KIF22: variants seen among roughly 807,000 people sequenced by gnomAD.
KIF22 encodes the protein kinesin-like protein KIF22.
A neutral mutation model predicts 73.0 loss-of-function variants in KIF22; 62 were observed. The ratio of observed to expected loss-of-function variants is 0.85; its 90% CI spans 0.69 to 1.05. The LOEUF (loss-of-function observed/expected upper bound fraction) is 1.05, where lower values mean the gene tolerates loss of function less well. KIF22 is among the 50% of genes least tolerant of loss of function. KIF22 has a pLI of 0.00. For synonymous variants in KIF22, 411 were observed against 340.1 expected (o/e 1.21, Z -2.29); for missense variants, 854 against 870.1 (o/e 0.98, Z 0.23).
rs148628152 is a variant in KIF22 at position 29,804,007 on chromosome 16, A to T, written c.1619A>T (p.Gln540Leu). Residue 540 changes from glutamine to leucine, a missense_variant, in exon 11 of 14, where the codon CAG (glutamine) becomes CTG (leucine). Gln to Leu is a moderately radical substitution (Grantham distance 113). Around this residue, in one of 3 missense-constraint regions of KIF22, gnomAD observed 423 missense variants for 365.4 expected, o/e 1.16. Coordinates refer to ENST00000160827, the MANE Select transcript of KIF22 (RefSeq NM_007317.3). ...VVMPLQLIQE[Q>L]AASPNAEIHI... ...CGATTCCTACTTTCAGTTCAGGAGC[A>T]GGCAGCATCCCCAAATGCCGAGATC... 6.2e-5 allele frequency: 100 copies of T among 1,609,180 alleles called. No homozygotes were observed. In the African/African-American group the frequency reaches 1.2e-3, roughly 19 times the overall value.
intron 1 of KIF22, among the ~76,000 whole-genome samples, chr16:29,795,056 C>G (rs1008517531): frequency 2.6e-5 from 4 of 152,226 alleles, no homozygotes; most frequent in Admixed American, 6.5e-5. Context: ...ACTGCGCTTC[C>G]TTAAGTGCTT....
intron 8 of KIF22, among the ~76,000 whole-genome samples, chr16:29,802,267 CAAAAA>C (rs71389599): frequency 8.9e-5 from 3 of 33,896 alleles, no homozygotes; most frequent in Non-Finnish European, 1.7e-4. Flanking sequence ...GACCCTGTCT[CAAAAA>C]AAAAAAAAAA....
At chr16:29,804,129 G>C (rs769640997) in intron 11 of KIF22, 64 bp downstream of exon 11, 3 of 1,352,126 alleles carry the variant, frequency 2.2e-6, no homozygotes, top group Non-Finnish European at 2.1e-6. Context: ...TAGGCTCTAG[G>C]GGGAGGAGCG....
Position 29,805,193 on chromosome 16 carries a change from C to T in KIF22, c.1950+19C>T, listed in dbSNP as rs991852346. On this transcript the variant is annotated intron_variant, in intron 13 of 13. Coordinates refer to ENST00000160827, the MANE Select transcript of KIF22 (RefSeq NM_007317.3). ...CCTGAAGGTGAAGTCACGGCCCTGC[C>T]CCTCCTCTGCCTGTCCTGCGCCCCG... The T allele has an allele frequency of 9.3e-6, 15 of 1,614,162 alleles. No homozygotes were observed. The highest frequency in any genetic ancestry group is 1.7e-5 in the Admixed American group (1 of 60,030).
intron 1 of KIF22, among the ~76,000 whole-genome samples, chr16:29,795,407 G>A (rs183846984): frequency 3.9e-4 from 60 of 152,242 alleles, no homozygotes; most frequent in Admixed American, 3.7e-3. Flanking sequence ...CTGCCTTTTC[G>A]TCTTGCTGTT....
Position 29,804,055 on chromosome 16 carries a change from G to A in KIF22, c.1667G>A (p.Arg556Gln), listed in dbSNP as rs776614746. The change falls in exon 11 of 14, where the codon CGG (arginine) becomes CAG (glutamine). Residue 556 changes from arginine (R) to glutamine (Q), a missense_variant. Physicochemically the swap from Arg to Gln is conservative, Grantham distance 43. This residue lies in a region of KIF22 where 423 missense variants were observed against 365.4 expected (regional missense o/e 1.16). Coordinates refer to ENST00000160827, the MANE Select transcript of KIF22 (RefSeq NM_007317.3). ...ATCCACATCCTGAAGAATAAAGGCCGGAAGAGAAAGGTGAAAGTAGCTGGG... is the reference window on the plus strand; with the variant it reads ...ATCCACATCCTGAAGAATAAAGGCCAGAAGAGAAAGGTGAAAGTAGCTGGG... ...AEIHILKNKG[R>Q]KRKLESLDAL... 2.5e-6 allele frequency: 4 copies of A among 1,613,332 alleles called. No individual in the cohort carries two copies. Among genetic ancestry groups the A allele is most frequent in the East Asian group, 2.2e-5 (1 of 44,902 alleles).
At chr16:29,791,296 G>A (rs1337147800) in intron 1 of KIF22, 22 of 973,622 alleles carry the variant, frequency 2.3e-5, no homozygotes, top group Non-Finnish European at 2.6e-5. Flanking sequence ...GCAAGAGGAC[G>A]GGCTGAGGAA....
In KIF22 at chr16:29,791,121, G is replaced by GT. The variant is rs1596839612; in HGVS notation, c.70+293dup. On this transcript the variant is annotated intron_variant, in intron 1 of 13. Coordinates refer to ENST00000160827, the MANE Select transcript of KIF22 (RefSeq NM_007317.3). ...TTTGTGAGCTTCGGTTTCTTCGTCT[G>GT]TGAAACGGGGGTCATGGCCTCATCC... 5 of 1,349,732 alleles carry GT rather than the reference G, an allele frequency of 3.7e-6. No individual in the cohort carries two copies. In the East Asian group the frequency reaches 1.5e-4, roughly 41 times the overall value. The allele number at this position is 1,349,732 out of a possible 1,614,324, so 83.6% of individuals were successfully genotyped here.
intron 1 of KIF22, among the ~76,000 whole-genome samples, chr16:29,794,437 G>A (rs763821360): frequency 6.6e-6 from 1 of 152,146 alleles, no homozygotes; most frequent in Non-Finnish European, 1.5e-5. Flanking sequence ...TTGAGGCACT[G>A]GGATGGAAAA....
chr16:29,800,288 T>TAAAA (rs1350235154), intron 8 of KIF22: 2 of 348,312 alleles, frequency 5.7e-6, no homozygotes, highest in African/African-American at 4.3e-5. Flanking sequence ...AAACCTCATC[T>TAAAA]CTACTAAAAA....
At position 29,799,974 on chromosome 16, in the gene KIF22, C is replaced by T; in HGVS notation, c.1206C>T (p.Ala402=). 6.2e-7 allele frequency: 1 copy of T among 1,614,146 alleles called. No homozygotes were observed. The highest frequency in any genetic ancestry group is 8.5e-7 in the Non-Finnish European group (1 of 1,180,034). The change falls in exon 8 of 14, where the codon GCC becomes GCT. Residue 402 remains alanine (A), a synonymous_variant. Coordinates refer to ENST00000160827, the MANE Select transcript of KIF22 (RefSeq NM_007317.3). ...TTGGTCCACCAGAGGCAAAGAGAGCCCGAGGCCCTGAGGAAGAGGAGATCG... is the reference window on the plus strand; with the variant it reads ...TTGGTCCACCAGAGGCAAAGAGAGCTCGAGGCCCTGAGGAAGAGGAGATCG... ...ELLGPPEAKR[A]RGPEEEEIGS...
chr16:29,792,616 G>A (rs1898847068), intron 1 of KIF22: 1 of 154,098 alleles, frequency 6.5e-6, no homozygotes, highest in African/African-American at 2.4e-5. Context: ...GGGCTAACAT[G>A]AGCTGTGGTT....
chr16:29,805,078 C>T (rs771354612), intron 12 of KIF22, 37 bp from the exon 13 acceptor site: 6 of 1,612,712 alleles, frequency 3.7e-6, no homozygotes, highest in South Asian at 1.1e-5. Context: ...ACCGGGTACC[C>T]CCGAGACCCT....
chr16:29,805,277 T>A lies in KIF22; in HGVS notation c.1965T>A (p.Gly655=), dbSNP rs1451151893. Residue 655 remains glycine, a synonymous_variant, in exon 14 of 14, where the codon GGT becomes GGA. Transcript: ENST00000160827. ...CTGTGTTGCAGGCAAACATCCTGGGTCTCGCCGCCGGCCAGCGCTGTGGCG... is the reference window on the plus strand; with the variant it reads ...CTGTGTTGCAGGCAAACATCCTGGGACTCGCCGCCGGCCAGCGCTGTGGCG... ...MESFLKANIL[G]LAAGQRCGAS 1 of 1,613,974 alleles carries A rather than the reference T, an allele frequency of 6.2e-7. No homozygotes were observed.
At chr16:29,790,933 G>A (rs1898796115) in intron 1 of KIF22, 104 bp downstream of exon 1, 10 of 1,524,250 alleles carry the variant, frequency 6.6e-6, no homozygotes, top group Admixed American at 2.0e-5. Context: ...GCGGAGAGGC[G>A]GCCATGGCGC....
intron 8 of KIF22, among the ~76,000 whole-genome samples, chr16:29,800,726 A>C (rs778994124): frequency 5.3e-5 from 8 of 152,222 alleles, no homozygotes; most frequent in Non-Finnish European, 8.8e-5. Context: ...AGATCATGCC[A>C]CTGCACTCCA....
At chr16:29,791,283 G>A in intron 1 of KIF22, 1 of 992,442 alleles carries the variant, frequency 1.0e-6, no homozygotes, top group Non-Finnish European at 1.2e-6. Flanking sequence ...ATCCCTGAGA[G>A]ATGCAAGAGG....
Position 29,796,898 on chromosome 16 carries a change from G to T in KIF22, c.76G>T (p.Gly26Cys). Reference protein sequence around the residue: ...AASAAAISGAGRCRLSKIGAT... With the variant: ...AASAAAISGACRCRLSKIGAT... ...AGTGATCTTCTCTCCTCCAGGAGCT[G>T]GTCGCTGTCGGCTAAGCAAGATTGG... Residue 26 changes from glycine (G) to cysteine (C), a missense_variant, in exon 2 of 14, where the codon GGT becomes TGT. This residue lies in a region of KIF22 where 186 missense variants were observed against 152.9 expected (regional missense o/e 1.22). Coordinates refer to ENST00000160827, the MANE Select transcript of KIF22 (RefSeq NM_007317.3). The T allele has an allele frequency of 6.2e-7, 1 of 1,614,058 alleles. No homozygotes were observed.
Position 29,790,834 on chromosome 16 carries a change from T to C in KIF22, c.70+5T>C. 6.3e-7 allele frequency: 1 copy of C among 1,599,188 alleles called. No individual in the cohort carries two copies. The highest frequency in any genetic ancestry group is 1.3e-5 in the African/African-American group (1 of 74,774). ...CTTCAGCGGCGGCGATCTCAGGTAC[T>C]TGAGCCCGGCCTGGGCAAGGCGGGT... On this transcript the variant is annotated splice_donor_5th_base_variant and intron_variant, in intron 1 of 13. Transcript: ENST00000160827.
Sources: gnomAD v4.1 joint callset for allele counts (sites outside exome capture counted in the v4.1 genomes callset) on GRCh38, gnomAD v4.1.1 for gene constraint, gnomAD v4.1.1 regional missense constraint, MANE v1.5 for transcripts, NCBI Gene and HGNC (gene_info 2026-07-23, HGNC 2026-07-21) for gene names.